The following SYTL3 variants were observed in gnomAD, a reference collection of about 807,000 sequenced individuals.
The protein encoded by SYTL3 is synaptotagmin like 3.
Under a neutral mutation model 82.1 loss-of-function variants are expected in SYTL3, and 88 were observed. That is an observed-to-expected ratio of 1.07 (90% CI 0.90 to 1.28). The LOEUF (loss-of-function observed/expected upper bound fraction) is 1.28, where lower values mean the gene tolerates loss of function less well. Among genes scored for constraint, SYTL3 ranks in the 50% most tolerant of loss-of-function variants. SYTL3 has a pLI of 0.00. For missense variants in SYTL3, 831 were observed against 757.6 expected (o/e 1.10, Z -1.14); for synonymous variants, 311 against 289.4 (o/e 1.07, Z -0.76).
chr6:158,697,458 G>C (rs565630700), intron 6 of SYTL3, among the ~76,000 whole-genome samples: 1 of 151,950 alleles, frequency 6.6e-6, no homozygotes, highest in South Asian at 2.1e-4. Context: ...TCAATCAGGG[G>C]GAAAGATTCA....
chr6:158,754,015 A>G (rs958316791), intron 13 of SYTL3, among the ~76,000 whole-genome samples: 6 of 152,186 alleles, frequency 3.9e-5, no homozygotes, highest in African/African-American at 1.2e-4. Flanking sequence ...ATCCAGCATT[A>G]AAAGTCTCGC....
At chr6:158,712,133 A>G (rs1346774083) in intron 8 of SYTL3, among the ~76,000 whole-genome samples, 1 of 152,200 alleles carries the variant, frequency 6.6e-6, no homozygotes, top group Non-Finnish European at 1.5e-5. Context: ...CCTCTGGTCT[A>G]AGTCCTGGAG....
At chr6:158,668,123 C>T (rs186148173) in intron 5 of SYTL3, among the ~76,000 whole-genome samples, 291 of 152,334 alleles carry the variant, frequency 1.9e-3, no homozygotes, top group Non-Finnish European at 3.4e-3. Flanking sequence ...TCAGTAAGAA[C>T]AGAGTGAAGA....
chr6:158,663,278 G>T lies in SYTL3; in HGVS notation c.10G>T (p.Glu4Ter), dbSNP rs757410330. The T allele has an allele frequency of 2.6e-5, 42 of 1,614,036 alleles. No homozygotes were observed. The South Asian group carries it at 4.5e-4, about 17-fold the overall frequency. Residue 4 changes from glutamate to a stop codon, truncating the protein, a stop_gained, in exon 4 of 18, where the codon GAA becomes TAA. Coordinates refer to ENST00000611299, the MANE Select transcript of SYTL3 (RefSeq NM_001242394.2). LOFTEE classifies it high-confidence loss of function. ...CGAAAACGGAGAAGAAATGGCCCAA[G>T]AAATAGATCTGAGTGCTCTCAAGGA... MAQ[E>*]IDLSALKELE...
At chr6:158,648,357 C>T (rs1299537761), upstream of SYTL3, among the ~76,000 whole-genome samples, 11 of 151,918 alleles carry the variant, frequency 7.2e-5, no homozygotes, top group African/African-American at 2.4e-4. Flanking sequence ...TTTGGGAGGC[C>T]GAGGCGGGCG....
At position 158,725,559 on chromosome 6, in the gene SYTL3, T is replaced by C. The variant is rs142616524; in HGVS notation, c.777T>C (p.Ser259=). ...KPLNQEDPKC[S]TNPILKQQNL... ...TCAATCAAGAGGATCCCAAATGCTC[T>C]ACTAACCCTATTTTGAAGCAACAGA... The change falls in exon 11 of 18, where the codon TCT becomes TCC. Residue 259 remains serine (S), a synonymous_variant. Transcript: ENST00000611299. The C allele has an allele frequency of 6.2e-7, 1 of 1,614,246 alleles. No individual in the cohort carries two copies. Among genetic ancestry groups the C allele is most frequent in the Non-Finnish European group, 8.5e-7 (1 of 1,180,044 alleles).
At chr6:158,708,531 C>A in intron 8 of SYTL3, 140 bp downstream of exon 8, 1 of 789,790 alleles carries the variant, frequency 1.3e-6, no homozygotes, top group Non-Finnish European at 2.1e-6. Context: ...GGTCACAAAG[C>A]GGGGTGGGGA....
At chr6:158,660,107 A>C (rs576834518) in intron 2 of SYTL3, among the ~76,000 whole-genome samples, 1 of 152,262 alleles carries the variant, frequency 6.6e-6, no homozygotes, top group South Asian at 2.1e-4. Flanking sequence ...TCTACTAAAA[A>C]TACAAAAATT....
intron 1 of SYTL3, among the ~76,000 whole-genome samples, chr6:158,651,513 G>A (rs1316851122): frequency 5.3e-5 from 8 of 152,048 alleles, no homozygotes; most frequent in African/African-American, 1.9e-4. Flanking sequence ...GCTTGAACCC[G>A]GGAGGTGGAG....
At chr6:158,728,157 A>AT (rs1490439304) in intron 11 of SYTL3, among the ~76,000 whole-genome samples, 3 of 152,150 alleles carry the variant, frequency 2.0e-5, no homozygotes, top group Non-Finnish European at 4.4e-5. Context: ...TGTCTCGTCC[A>AT]TCTGCAAGTC....
chr6:158,675,656 A>C (rs1181182301), intron 5 of SYTL3, among the ~76,000 whole-genome samples: 1 of 152,018 alleles, frequency 6.6e-6, no homozygotes, highest in African/African-American at 2.4e-5. Flanking sequence ...TCTACTAAAA[A>C]CACAAAAATG....
chr6:158,761,432 A>C lies in SYTL3; in HGVS notation c.1415-644A>C, dbSNP rs921096826. 8.1e-5 allele frequency among the ~76,000 whole-genome samples: 12 copies of C among 147,282 alleles called. No homozygotes were observed. The Admixed American group carries it at 8.4e-4, about 10-fold the overall frequency. On this transcript the variant is annotated intron_variant, in intron 15 of 17. Coordinates refer to ENST00000611299, the MANE Select transcript of SYTL3 (RefSeq NM_001242394.2). ...ATTCTCCTGCCTCAGCCTCCCGAGT[A>C]CCTGGGACTACAGGCACCTGCCACC...
intron 6 of SYTL3, among the ~76,000 whole-genome samples, chr6:158,695,803 T>C (rs1562386621): frequency 6.6e-6 from 1 of 152,240 alleles, no homozygotes; most frequent in Non-Finnish European, 1.5e-5. Context: ...CTGGCTTATT[T>C]CACTTAGCAA....
chr6:158,694,206 A>G (rs1196033851), intron 6 of SYTL3, among the ~76,000 whole-genome samples: 1 of 152,196 alleles, frequency 6.6e-6, no homozygotes, highest in Non-Finnish European at 1.5e-5. Flanking sequence ...TTTATGATTA[A>G]TGTAATAAGA....
At chr6:158,728,076 CTT>C (rs1337545520) in intron 11 of SYTL3, among the ~76,000 whole-genome samples, 1 of 151,974 alleles carries the variant, frequency 6.6e-6, no homozygotes. Flanking sequence ...ATATTGGTGT[CTT>C]TTGATTTTGT....
intron 8 of SYTL3, 63 bp downstream of exon 8, chr6:158,708,454 G>C: frequency 6.6e-7 from 1 of 1,508,210 alleles, no homozygotes; most frequent in South Asian, 1.1e-5. Context: ...GAGGAAGCAG[G>C]GGAGCTTTCG....
In SYTL3 at chr6:158,764,599, C is replaced by T. The variant is rs1485666682; in HGVS notation, c.1828C>T (p.His610Tyr). The T allele has an allele frequency of 3.1e-6, 5 of 1,611,036 alleles. No homozygotes were observed. The highest frequency in any genetic ancestry group is 2.7e-5 in the African/African-American group (2 of 74,840). ...NLWTDMTLVLH is the reference protein window; with the variant it reads ...NLWTDMTLVLY ...ATGGACAGACATGACTCTTGTCCTG[C>T]ACTGACATGAAGGCCTCAAGGTTCC... The change falls in exon 18 of 18, where the codon CAC becomes TAC. Residue 610 changes from histidine (H) to tyrosine (Y), a missense_variant. Physicochemically the swap from His to Tyr is moderately conservative, Grantham distance 83 (BLOSUM62 2). Transcript: ENST00000611299.
chr6:158,693,870 T>G lies in SYTL3; in HGVS notation c.394+10881T>G, dbSNP rs186315108. On this transcript the variant is annotated intron_variant, in intron 6 of 17. Coordinates refer to ENST00000611299, the MANE Select transcript of SYTL3 (RefSeq NM_001242394.2). ...TTTTTCTTTTCTTTTTTTTTTTTTT[T>G]TTTGTAGATACAGGGTTTTGCCATG... Among the ~76,000 whole-genome samples, 441 of 105,558 alleles carry G rather than the reference T, an allele frequency of 4.2e-3. 5 individuals are homozygous for G. The highest frequency in any genetic ancestry group is 7.1e-3 in the Non-Finnish European group (327 of 46,042). 69.3% of individuals were successfully genotyped at this position (105,558 alleles called of 152,430 possible). A position where few individuals can be genotyped will look rare whatever the true frequency, so the allele number is the denominator to read the frequency against.
chr6:158,733,894 A>G (rs1270735600), intron 11 of SYTL3, among the ~76,000 whole-genome samples: 5 of 151,132 alleles, frequency 3.3e-5, no homozygotes, highest in South Asian at 4.2e-4. Flanking sequence ...TCAGGAGATC[A>G]AGACCATCCT....
Sources: allele counts gnomAD v4.1 joint callset (sites outside exome capture counted in the v4.1 genomes callset), GRCh38; gene constraint gnomAD v4.1.1; transcripts MANE v1.5; gene names NCBI Gene and HGNC (gene_info 2026-07-23, HGNC 2026-07-21).